The following ADAMTS18 variants were observed in gnomAD, a reference collection of about 807,000 sequenced individuals.
ADAMTS18 encodes A disintegrin and metalloproteinase with thrombospondin motifs 18.
Under a neutral mutation model 165.9 loss-of-function variants are expected in ADAMTS18, and 157 were observed. The ratio of observed to expected loss-of-function variants is 0.95; its 90% CI spans 0.83 to 1.08. The LOEUF is 1.08. Among genes scored for constraint, ADAMTS18 ranks in the 50% least tolerant of loss-of-function variants. The pLI, the probability that ADAMTS18 is intolerant of heterozygous loss-of-function variation, is 0.00. For synonymous variants in ADAMTS18, 782 were observed against 578.2 expected, an observed-to-expected ratio of 1.35 and a Z score of -5.06; for missense variants, 2,040 against 1,534.0, an observed-to-expected ratio of 1.33 and a Z score of -5.51.
At chr16:77,366,328 C>T (rs1466037377) in intron 4 of ADAMTS18, among the ~76,000 whole-genome samples, 1 of 152,134 alleles carries the variant, frequency 6.6e-6, no homozygotes, top group Non-Finnish European at 1.5e-5. Context: ...GAGACCGAGG[C>T]GGGTGGATCA....
intron 3 of ADAMTS18, among the ~76,000 whole-genome samples, chr16:77,377,503 A>G (rs1196102264): frequency 1.3e-5 from 2 of 152,266 alleles, no homozygotes; most frequent in Non-Finnish European, 2.9e-5. Flanking sequence ...AACTTCAAAT[A>G]GAATGATGTA....
chr16:77,413,894 G>A (rs897376621), intron 3 of ADAMTS18, among the ~76,000 whole-genome samples: 2 of 150,278 alleles, frequency 1.3e-5, no homozygotes, highest in African/African-American at 2.4e-5. Context: ...TTCTGAAAAT[G>A]TTCAGAACAT....
At chr16:77,342,619 A>G (rs2056415723) in intron 10 of ADAMTS18, among the ~76,000 whole-genome samples, 1 of 152,174 alleles carries the variant, frequency 6.6e-6, no homozygotes. Context: ...GCAGTTTTCA[A>G]ATATGTAGAC....
intron 3 of ADAMTS18, among the ~76,000 whole-genome samples, chr16:77,399,788 T>C (rs540194648): frequency 6.6e-6 from 1 of 152,330 alleles, no homozygotes; most frequent in East Asian, 1.9e-4. Flanking sequence ...CAACCATGAC[T>C]TGATTACCAC....
Position 77,308,278 on chromosome 16 carries a change from A to G in ADAMTS18, c.2533-7874T>C, listed in dbSNP as rs188451716. Reference sequence around the variant, plus strand: ...CAGCCATACAATAGCAACCTGTATTATCATGTCATACTGAATCACTTTGTT... The same window carrying G: ...CAGCCATACAATAGCAACCTGTATTGTCATGTCATACTGAATCACTTTGTT... On this transcript the variant is annotated intron_variant, in intron 16 of 22. Coordinates refer to ENST00000282849, the MANE Select transcript of ADAMTS18 (RefSeq NM_199355.4). 7.8e-3 allele frequency among the ~76,000 whole-genome samples: 1,182 copies of G among 152,350 alleles called. 13 individuals carry two copies. Among genetic ancestry groups the G allele is most frequent in the Non-Finnish European group, 0.012 (823 of 68,032 alleles).
chr16:77,387,422 G>A (rs189609429), intron 3 of ADAMTS18, among the ~76,000 whole-genome samples: 74 of 152,264 alleles, frequency 4.9e-4, no homozygotes, highest in Admixed American at 1.4e-3. Flanking sequence ...TAGGCTTCCA[G>A]ATTACCAATA....
intron 10 of ADAMTS18, among the ~76,000 whole-genome samples, chr16:77,344,677 A>G (rs2056449385): frequency 6.6e-6 from 1 of 152,120 alleles, no homozygotes; most frequent in African/African-American, 2.4e-5. Flanking sequence ...TAGCTGTCGT[A>G]GCCAATGCCA....
At chr16:77,330,392 C>A (rs193084248) in intron 12 of ADAMTS18, among the ~76,000 whole-genome samples, 2 of 152,256 alleles carry the variant, frequency 1.3e-5, no homozygotes, top group African/African-American at 4.8e-5. Flanking sequence ...TGAAAAATGT[C>A]AAAGGATTAA....
chr16:77,396,926 C>T (rs540880697), intron 3 of ADAMTS18, among the ~76,000 whole-genome samples: 1 of 152,154 alleles, frequency 6.6e-6, no homozygotes, highest in Non-Finnish European at 1.5e-5. Context: ...CTTGCCTCAG[C>T]CTCCTGAGTA....
intron 3 of ADAMTS18, 143 bp from the exon 4 acceptor site, chr16:77,367,866 G>C: frequency 1.1e-6 from 1 of 929,718 alleles, no homozygotes; most frequent in African/African-American, 1.6e-5. Flanking sequence ...ATTTTTATCT[G>C]CACCATTACA....
chr16:77,286,205 T>C (rs183050853), intron 22 of ADAMTS18, among the ~76,000 whole-genome samples: 3 of 152,260 alleles, frequency 2.0e-5, no homozygotes, highest in South Asian at 2.1e-4. Context: ...CCTAGAGCCA[T>C]ATGTGGTTCA....
chr16:77,409,111 G>C (rs931306063), intron 3 of ADAMTS18, among the ~76,000 whole-genome samples: 6 of 152,064 alleles, frequency 3.9e-5, no homozygotes, highest in African/African-American at 1.4e-4. Context: ...ACCATCTGCA[G>C]TTTCAGGCAT....
chr16:77,365,213 G>A (rs2056776481), intron 4 of ADAMTS18, among the ~76,000 whole-genome samples: 1 of 151,988 alleles, frequency 6.6e-6, no homozygotes, highest in African/African-American at 2.4e-5. Flanking sequence ...CTAGTTAGTA[G>A]AATGGATCAA....
At chr16:77,431,159 G>A (rs1165713835) in intron 3 of ADAMTS18, 136 bp downstream of exon 3, 2 of 891,832 alleles carry the variant, frequency 2.2e-6, no homozygotes, top group South Asian at 1.5e-5. Flanking sequence ...ATTCAATTGA[G>A]AATATTAGAA....
chr16:77,361,713 G>A (rs1213735207), intron 7 of ADAMTS18, among the ~76,000 whole-genome samples: 5 of 152,036 alleles, frequency 3.3e-5, no homozygotes, highest in Non-Finnish European at 5.9e-5. Flanking sequence ...GTGGAAACCC[G>A]TCTCTACTAA....
Position 77,289,360 on chromosome 16 carries a change from G to A in ADAMTS18, c.3454C>T (p.Gln1152Ter), listed in dbSNP as rs187879501. Reference sequence around the variant, plus strand: ...CAACTTGAGGAAGGCCGGCCTTGCTGAACACAGTGGACTGACCGGGTCTGG... The same window carrying A: ...CAACTTGAGGAAGGCCGGCCTTGCTAAACACAGTGGACTGACCGGGTCTGG... ...GVQTRSVHCV[Q>*]QGRPSSSCLL... Residue 1152 changes from glutamine to a stop codon, truncating the protein, a stop_gained, in exon 22 of 23, where the codon CAG (glutamine) becomes TAG (stop). Coordinates refer to ENST00000282849, the MANE Select transcript of ADAMTS18 (RefSeq NM_199355.4). LOFTEE classifies it high-confidence loss of function. 7 of 1,614,130 alleles carry A rather than the reference G, an allele frequency of 4.3e-6. No individual in the cohort carries two copies. The highest frequency in any genetic ancestry group is 5.9e-6 in the Non-Finnish European group (7 of 1,179,992).
chr16:77,351,755 CTCAG>C (rs1212608414), intron 10 of ADAMTS18, among the ~76,000 whole-genome samples: 2 of 151,942 alleles, frequency 1.3e-5, no homozygotes, highest in African/African-American at 2.4e-5. Flanking sequence ...GAAATAGGGT[CTCAG>C]TCTGTTGCCT....
intron 20 of ADAMTS18, 83 bp downstream of exon 20, chr16:77,292,993 G>C (rs776192641): frequency 2.7e-5 from 42 of 1,573,772 alleles, no homozygotes; most frequent in Non-Finnish European, 1.8e-5. Flanking sequence ...CTAATTTTTT[G>C]TATTTTTAGT....
chr16:77,282,992 T>TTTAA lies in ADAMTS18; in HGVS notation c.*960_*963dup, dbSNP rs2055178165. 6.7e-6 allele frequency: 1 copy of TTTAA among 149,136 alleles called. No homozygotes were observed. The allele number at this position is 149,136 out of a possible 1,614,324, so 9.2% of individuals were successfully genotyped here. On this transcript the variant is annotated 3_prime_UTR_variant, in exon 23 of 23. Transcript: ENST00000282849. ...TGGTAGGAAAAAGCCACAAGTGGCC[T>TTTAA]TTAATTTTCCAAGCAGCTCTGGTAG...
Sources: allele counts gnomAD v4.1 joint callset (sites outside exome capture counted in the v4.1 genomes callset), GRCh38; gene constraint gnomAD v4.1.1; transcripts MANE v1.5; gene names NCBI Gene and HGNC (gene_info 2026-07-23, HGNC 2026-07-21).